The following CTNND2 variants were observed in gnomAD, a reference collection of about 807,000 sequenced individuals.
CTNND2 encodes catenin delta-2.
In CTNND2, 22 loss-of-function variants were observed where a neutral mutation model predicts 144.4. The ratio of observed to expected loss-of-function variants is 0.15; its 90% CI spans 0.11 to 0.22. The LOEUF is 0.22. Among genes scored for constraint, CTNND2 ranks in the 10% least tolerant of loss-of-function variants. The pLI is 1.00. For missense variants in CTNND2, 1,353 were observed against 1,618.8 expected (o/e 0.84, Z 2.82); for synonymous variants, 751 against 695.6 (o/e 1.08, Z -1.25).
At chr5:11,804,693 A>T (rs1791895396) in intron 1 of CTNND2, among the ~76,000 whole-genome samples, 2 of 152,186 alleles carry the variant, frequency 1.3e-5, no homozygotes, top group Non-Finnish European at 1.5e-5. Context: ...AGTGGTTACC[A>T]GGGGTTTGGA....
At chr5:11,011,699 T>C (rs1416410124) in intron 18 of CTNND2, among the ~76,000 whole-genome samples, 2 of 152,158 alleles carry the variant, frequency 1.3e-5, no homozygotes, top group Admixed American at 6.5e-5. Context: ...CAGGGTCTGT[T>C]TGAATGGCCT....
At chr5:11,698,288 ATT>A (rs34917192) in intron 2 of CTNND2, among the ~76,000 whole-genome samples, 99 of 140,480 alleles carry the variant, frequency 7.0e-4, no homozygotes, top group African/African-American at 1.9e-3. Flanking sequence ...ACACATTATT[ATT>A]TTTTTTTTTT....
chr5:11,628,928 T>C (rs1477314374), intron 2 of CTNND2, among the ~76,000 whole-genome samples: 1 of 152,174 alleles, frequency 6.6e-6, no homozygotes, highest in Non-Finnish European at 1.5e-5. Context: ...CAGGAAAAAC[T>C]TTTTAGCAAT....
intron 10 of CTNND2, among the ~76,000 whole-genome samples, chr5:11,206,710 T>G (rs1277786245): frequency 6.6e-6 from 1 of 152,230 alleles, no homozygotes; most frequent in African/African-American, 2.4e-5. Context: ...TTCTCTAAAT[T>G]ACAAAGTGTT....
rs533510292 is a variant in CTNND2, at chr5:11,393,910, T to C, written c.612+3121A>G. Among the ~76,000 whole-genome samples, 5 of 152,174 alleles carry C rather than the reference T, an allele frequency of 3.3e-5. No individual in the cohort carries two copies. The South Asian group carries it at 1.0e-3, about 32-fold the overall frequency. ...TCACTCCCAGTAAAAAAAGGAATCC[T>C]ACCAATGACTGAGTGGTTTCCCATC... On this transcript the variant is annotated intron_variant, in intron 6 of 21. Transcript: ENST00000304623.
chr5:11,819,290 C>T (rs575983667), intron 1 of CTNND2, among the ~76,000 whole-genome samples: 1 of 151,952 alleles, frequency 6.6e-6, no homozygotes, highest in African/African-American at 2.4e-5. Flanking sequence ...AAAACTTAGC[C>T]AGGAGTGGTG....
chr5:10,980,726 AG>A (rs1437486400), intron 21 of CTNND2, among the ~76,000 whole-genome samples: 1 of 152,252 alleles, frequency 6.6e-6, no homozygotes, highest in Non-Finnish European at 1.5e-5. Context: ...CCATAAAAAA[AG>A]GATGAGTTCA....
chr5:11,378,388 A>G lies in CTNND2; in HGVS notation c.1177+6277T>C, dbSNP rs577735397. Among the ~76,000 whole-genome samples, 3 of 152,344 alleles carry G rather than the reference A, an allele frequency of 2.0e-5. 1 individual carries two copies. The highest frequency in any genetic ancestry group is 1.3e-4 in the Admixed American group (2 of 15,312). ...GTTGGGAGAGTGCCCAGTTAGGTCT[A>G]GTTCGAAAGAACCCCTGGAAGCTCC... On this transcript the variant is annotated intron_variant, in intron 7 of 21. Coordinates refer to ENST00000304623, the MANE Select transcript of CTNND2 (RefSeq NM_001332.4).
At chr5:11,016,550 G>A (rs573126214) in intron 18 of CTNND2, among the ~76,000 whole-genome samples, 69 of 152,306 alleles carry the variant, frequency 4.5e-4, no homozygotes, top group African/African-American at 1.6e-3. Context: ...GTGAGTGGCC[G>A]GTGACCTGGG....
At position 11,155,432 on chromosome 5, in the gene CTNND2, C is replaced by T. The variant is rs75161432; in HGVS notation, c.2159+4144G>A. Among the ~76,000 whole-genome samples, 679 of 152,288 alleles carry T rather than the reference C, an allele frequency of 4.5e-3. 6 individuals carry two copies. The highest frequency in any genetic ancestry group is 0.015 in the African/African-American group (634 of 41,540). On this transcript the variant is annotated intron_variant, in intron 12 of 21. Transcript: ENST00000304623. ...ACATTTTGCCACATTTGTTTGGGGC[C>T]ATATTTTAAAATGTTTTTTGTTAAA...
Position 11,141,399 on chromosome 5 carries a change from A to G in CTNND2, c.2159+18177T>C, listed in dbSNP as rs1019349268. ...AAGTGATTGGCTTTACCTGTTTTCT[A>G]TGTGGCCAGAGTACCCTCCTGATGG... On this transcript the variant is annotated intron_variant, in intron 12 of 21. Transcript: ENST00000304623. Among the ~76,000 whole-genome samples the G allele has an allele frequency of 5.9e-5, 9 of 152,076 alleles. No homozygotes were observed. In the East Asian group the frequency reaches 9.6e-4, roughly 16 times the overall value.
intron 3 of CTNND2, among the ~76,000 whole-genome samples, chr5:11,415,771 C>A (rs1472323759): frequency 6.6e-6 from 1 of 152,078 alleles, no homozygotes; most frequent in African/African-American, 2.4e-5. Flanking sequence ...TTGAGGAAAA[C>A]ACTCTGCTTA....
At chr5:11,133,448 G>A (rs1257352940) in intron 12 of CTNND2, among the ~76,000 whole-genome samples, 1 of 152,110 alleles carries the variant, frequency 6.6e-6, no homozygotes, top group Non-Finnish European at 1.5e-5. Flanking sequence ...TGCCTCGCGG[G>A]TTCAAGCAAT....
At chr5:11,239,250 G>A (rs543442505) in intron 9 of CTNND2, among the ~76,000 whole-genome samples, 36 of 152,372 alleles carry the variant, frequency 2.4e-4, no homozygotes, top group Admixed American at 3.9e-4. Flanking sequence ...AGGTTTAGGG[G>A]CTCTTTGCAC....
intron 2 of CTNND2, among the ~76,000 whole-genome samples, chr5:11,621,829 AG>A (rs1380165915): frequency 6.6e-6 from 1 of 152,194 alleles, no homozygotes; most frequent in African/African-American, 2.4e-5. Flanking sequence ...CCTAATGCTA[AG>A]GATTGCCTCA....
At chr5:11,762,631 T>C (rs897247530) in intron 1 of CTNND2, among the ~76,000 whole-genome samples, 4 of 152,216 alleles carry the variant, frequency 2.6e-5, no homozygotes, top group African/African-American at 7.2e-5. Flanking sequence ...CTTGCTTTTA[T>C]GCATGACATA....
At chr5:11,790,977 G>A (rs1791104284) in intron 1 of CTNND2, among the ~76,000 whole-genome samples, 1 of 152,084 alleles carries the variant, frequency 6.6e-6, no homozygotes, top group Non-Finnish European at 1.5e-5. Flanking sequence ...GGGATGGGAT[G>A]GGCCCAATCC....
chr5:11,218,309 A>G (rs963251592), intron 10 of CTNND2, among the ~76,000 whole-genome samples: 4 of 152,162 alleles, frequency 2.6e-5, no homozygotes, highest in Non-Finnish European at 5.9e-5. Flanking sequence ...AGAATTGACA[A>G]GCCAGCATCA....
In CTNND2 at chr5:11,550,459, G is replaced by A. The variant is rs547050960; in HGVS notation, c.287+14485C>T. Among the ~76,000 whole-genome samples, 2 of 152,366 alleles carry A rather than the reference G, an allele frequency of 1.3e-5. 1 individual carries two copies. Among genetic ancestry groups the A allele is most frequent in the South Asian group, 4.1e-4 (2 of 4,834 alleles). ...TGCCATCATTCCCACATTAGGGAGAGAAGGTTAATTGTTAAATTTCGAGGA... is the reference window on the plus strand; with the variant it reads ...TGCCATCATTCCCACATTAGGGAGAAAAGGTTAATTGTTAAATTTCGAGGA... On this transcript the variant is annotated intron_variant, in intron 3 of 21. Transcript: ENST00000304623.
Sources: gnomAD v4.1 joint callset for allele counts (sites outside exome capture counted in the v4.1 genomes callset) on GRCh38, gnomAD v4.1.1 for gene constraint, MANE v1.5 for transcripts, NCBI Gene and HGNC (gene_info 2026-07-23, HGNC 2026-07-21) for gene names.